SIGLEC9: variants seen among roughly 807,000 people sequenced by gnomAD.
The protein encoded by SIGLEC9 is sialic acid binding Ig like lectin 9, also known as sialic acid-binding Ig-like lectin 9.
Under a neutral mutation model 38.3 loss-of-function variants are expected in SIGLEC9, and 26 were observed. That is an observed-to-expected ratio of 0.68 (90% confidence interval 0.50 to 0.94). The LOEUF (loss-of-function observed/expected upper bound fraction) is 0.94, where lower values mean the gene tolerates loss of function less well. Among genes scored for constraint, SIGLEC9 ranks in the 40% least tolerant of loss-of-function variants. SIGLEC9 has a pLI of 0.00. For synonymous variants in SIGLEC9, 236 were observed against 248.0 expected (o/e 0.95, Z 0.45); for missense variants, 556 against 585.7 (o/e 0.95, Z 0.52).
chr19:51,132,288 A>G (rs1040087217), downstream of SIGLEC9, among the ~76,000 whole-genome samples: 1 of 152,124 alleles, frequency 6.6e-6, no homozygotes, highest in Admixed American at 6.5e-5. Context: ...AGCATTTTCT[A>G]TGTGGTGCAG....
intron 2 of SIGLEC9, 85 bp from the exon 3 acceptor site, chr19:51,125,996 C>T (rs2091976860): frequency 6.3e-7 from 1 of 1,580,462 alleles, no homozygotes. Context: ...CTCTGCCTTC[C>T]CTGTTTATGC....
chr19:51,126,914 T>G, intron 3 of SIGLEC9, 116 bp from the exon 4 acceptor site: 2 of 872,264 alleles, frequency 2.3e-6, no homozygotes, highest in Admixed American at 5.0e-5. Flanking sequence ...AAAGTGTGTG[T>G]TTCCAGAACT....
At chr19:51,123,268 G>C (rs1053129606), upstream of SIGLEC9, among the ~76,000 whole-genome samples, 2 of 152,196 alleles carry the variant, frequency 1.3e-5, no homozygotes, top group East Asian at 3.8e-4. Flanking sequence ...TTCCAGGTGG[G>C]GCTGAGCTGT....
At position 51,125,018 on chromosome 19, in the gene SIGLEC9, C is replaced by T. The variant is rs759377738; in HGVS notation, c.44C>T (p.Ala15Val). ...LLPLLWGRER[A>V]EGQTSKLLTM... ...CCCCTGCTCTGGGGGAGGGAGAGGG[C>T]GGAAGGACAGACAAGTAAACTGCTG... Residue 15 changes from alanine (A) to valine (V), a missense_variant, in exon 1 of 7, where the codon GCG becomes GTG. Coordinates refer to ENST00000250360, the MANE Select transcript of SIGLEC9 (RefSeq NM_014441.3). The T allele has an allele frequency of 4.3e-6, 7 of 1,612,164 alleles. No individual in the cohort carries two copies. The highest frequency in any genetic ancestry group is 2.7e-5 in the African/African-American group (2 of 74,866).
In SIGLEC9 at chr19:51,128,436, T is replaced by C; in HGVS notation, c.1129T>C (p.Ser377Pro). 1.2e-6 allele frequency: 2 copies of C among 1,613,884 alleles called. No individual in the cohort carries two copies. Among genetic ancestry groups the C allele is most frequent in the Non-Finnish European group, 8.5e-7 (1 of 1,179,946 alleles). ...CAGAGTGAGGTCCTGCAGGAAGAAA[T>C]CGGCAAGGCCAGCAGCGGGCGTGGG... Reference protein sequence around the residue: ...FVVVRSCRKKSARPAAGVGDT... With the variant: ...FVVVRSCRKKPARPAAGVGDT... The change falls in exon 6 of 7, where the codon TCG becomes CCG. Residue 377 changes from serine (S) to proline (P), a missense_variant. Physicochemically the swap from Ser to Pro is moderately conservative, Grantham distance 74. Transcript: ENST00000250360.
At chr19:51,128,670 C>G in intron 6 of SIGLEC9, 160 bp downstream of exon 6, 1 of 629,120 alleles carries the variant, frequency 1.6e-6, no homozygotes, top group South Asian at 2.0e-5. Context: ...GTTTCCTCCC[C>G]TAAGAACAGC....
upstream of SIGLEC9, chr19:51,124,890 T>A: frequency 6.5e-7 from 1 of 1,527,120 alleles, no homozygotes; most frequent in Middle Eastern, 1.8e-4. Flanking sequence ...TAGGGCCTCC[T>A]CTAAGTCTTG....
At position 51,125,181 on chromosome 19, in the gene SIGLEC9, C is replaced by T. The variant is rs1568610378; in HGVS notation, c.207C>T (p.Asp69=). 1.9e-6 allele frequency: 3 copies of T among 1,614,018 alleles called. No homozygotes were observed. The highest frequency in any genetic ancestry group is 2.5e-6 in the Non-Finnish European group (3 of 1,179,984). ...GYWFREGANT[D]QDAPVATNNP... ...GGTTCCGGGAAGGGGCCAATACAGACCAGGATGCTCCAGTGGCCACAAACA... is the reference window on the plus strand; with the variant it reads ...GGTTCCGGGAAGGGGCCAATACAGATCAGGATGCTCCAGTGGCCACAAACA... The change falls in exon 1 of 7, where the codon GAC becomes GAT. Residue 69 remains aspartate (D), a synonymous_variant. Transcript: ENST00000250360.
downstream of SIGLEC9, among the ~76,000 whole-genome samples, chr19:51,131,378 G>C (rs2092013950): frequency 6.6e-6 from 1 of 152,012 alleles, no homozygotes. Flanking sequence ...ACGAGGTCAG[G>C]AGATCGAGAC....
At chr19:51,134,139 T>C (rs1320781140), downstream of SIGLEC9, among the ~76,000 whole-genome samples, 2 of 130,872 alleles carry the variant, frequency 1.5e-5, no homozygotes, top group Non-Finnish European at 1.6e-5. Context: ...ATTTTATTTC[T>C]TTCTTTTCTT....
At chr19:51,131,278 T>C (rs1443744882), downstream of SIGLEC9, among the ~76,000 whole-genome samples, 1 of 152,102 alleles carries the variant, frequency 6.6e-6, no homozygotes, top group African/African-American at 2.4e-5. Context: ...AACCGTAAAG[T>C]ACCAAGGAAC....
downstream of SIGLEC9, among the ~76,000 whole-genome samples, chr19:51,134,231 G>A (rs925885622): frequency 8.4e-6 from 1 of 119,144 alleles, no homozygotes; most frequent in Non-Finnish European, 1.6e-5. Flanking sequence ...TGCAACCTCC[G>A]CCTCCAGGGT....
upstream of SIGLEC9, chr19:51,124,763 G>T (rs1259557063): frequency 3.2e-6 from 2 of 624,570 alleles, no homozygotes; most frequent in East Asian, 2.9e-5. Flanking sequence ...GGACCCAGGA[G>T]TGAACATGGG....
At chr19:51,133,736 G>A (rs976895208), downstream of SIGLEC9, among the ~76,000 whole-genome samples, 4 of 152,146 alleles carry the variant, frequency 2.6e-5, no homozygotes, top group Non-Finnish European at 5.9e-5. Flanking sequence ...TATAATGTTT[G>A]TACAACTGTG....
chr19:51,123,243 G>A (rs544802902), upstream of SIGLEC9, among the ~76,000 whole-genome samples: 2 of 152,270 alleles, frequency 1.3e-5, no homozygotes, highest in Admixed American at 1.3e-4. Context: ...GGAAGCCGAA[G>A]GATTGTTCCC....
downstream of SIGLEC9, among the ~76,000 whole-genome samples, chr19:51,133,860 A>T (rs758847831): frequency 1.4e-4 from 21 of 152,328 alleles, no homozygotes; most frequent in Middle Eastern, 0.02. Context: ...AATTGATTAC[A>T]TGTTTCCATG....
rs762833075 is a variant in SIGLEC9, at chr19:51,128,498, T to C, written c.1191T>C (p.Gly397=). ...TGIEDANAVR[G]SASQGPLTEP... is the part of the protein sequence containing the mutation. Reference sequence around the variant, plus strand: ...TAGAGGATGCAAACGCTGTCAGGGGTTCAGCCTCTCAGGTGAGTGATGTGG... The same window carrying C: ...TAGAGGATGCAAACGCTGTCAGGGGCTCAGCCTCTCAGGTGAGTGATGTGG... Residue 397 remains glycine (G), a synonymous_variant, in exon 6 of 7, where the codon GGT becomes GGC. Transcript: ENST00000250360. The C allele has an allele frequency of 6.2e-6, 10 of 1,613,686 alleles. No homozygotes were observed. The highest frequency in any genetic ancestry group is 5.0e-5 in the Admixed American group (3 of 59,982).
chr19:51,133,254 T>C (rs1187257205), downstream of SIGLEC9, among the ~76,000 whole-genome samples: 2 of 151,946 alleles, frequency 1.3e-5, no homozygotes, highest in Non-Finnish European at 1.5e-5. Flanking sequence ...GTCTATTCAA[T>C]TGGGACAGGA....
rs1448090123 is a variant in SIGLEC9 at position 51,125,664 on chromosome 19, C to A, written c.489C>A (p.Thr163=). The change falls in exon 2 of 7, where the codon ACC becomes ACA. Residue 163 remains threonine (T), a synonymous_variant. Coordinates refer to ENST00000250360, the MANE Select transcript of SIGLEC9 (RefSeq NM_014441.3). ...TLESGCPQNL[T]CSVPWACEQG... ...AGTCCGGCTGCCCCCAGAATCTGAC[C>A]TGCTCTGTGCCCTGGGCCTGTGAGC... The A allele has an allele frequency of 6.2e-7, 1 of 1,613,756 alleles. No individual in the cohort carries two copies. Among genetic ancestry groups the A allele is most frequent in the Non-Finnish European group, 8.5e-7 (1 of 1,180,006 alleles).
Sources: allele counts gnomAD v4.1 joint callset (sites outside exome capture counted in the v4.1 genomes callset), GRCh38; gene constraint gnomAD v4.1.1; transcripts MANE v1.5; gene names NCBI Gene and HGNC (gene_info 2026-07-23, HGNC 2026-07-21).